Variants in LUZP2 observed in about 807,000 individuals in gnomAD.
The protein encoded by LUZP2 is leucine zipper protein 2.
Under a neutral mutation model 51.6 loss-of-function variants are expected in LUZP2, and 52 were observed. That is an observed-to-expected ratio of 1.01 (90% CI 0.81 to 1.27). LUZP2 has a LOEUF of 1.27. Among genes scored for constraint, LUZP2 ranks in the 50% most tolerant of loss-of-function variants. LUZP2 has a pLI of 0.00. For synonymous variants in LUZP2, 154 were observed against 137.3 expected (o/e 1.12, Z -0.85); for missense variants, 436 against 395.4 (o/e 1.10, Z -0.87).
chr11:24,898,353 G>C (rs570614510), intron 5 of LUZP2, among the ~76,000 whole-genome samples: 15 of 152,270 alleles, frequency 9.9e-5, no homozygotes, highest in Non-Finnish European at 2.1e-4. Context: ...GGCCGGGCGC[G>C]GTGGCTCATG....
intron 1 of LUZP2, among the ~76,000 whole-genome samples, chr11:24,520,205 G>A (rs966475944): frequency 6.6e-6 from 1 of 151,884 alleles, no homozygotes; most frequent in Non-Finnish European, 1.5e-5. Flanking sequence ...AGATGCAATG[G>A]AATTATTACC....
chr11:24,926,325 GTGTA>G lies in LUZP2; in HGVS notation c.522+11789_522+11792del, dbSNP rs1474549678. Among the ~76,000 whole-genome samples the G allele has an allele frequency of 2.3e-3, 89 of 39,342 alleles. 2 individuals are homozygous for G. Among genetic ancestry groups the G allele is most frequent in the African/African-American group, 6.1e-3 (51 of 8,396 alleles). 25.8% of individuals were successfully genotyped at this position (39,342 alleles called of 152,430 possible). On this transcript the variant is annotated intron_variant, in intron 7 of 11. Coordinates refer to ENST00000336930, the MANE Select transcript of LUZP2 (RefSeq NM_001009909.4). Reference sequence around the variant, plus strand: ...TATACGTGTGTATATATATACGTGTGTGTATATATATATACGTGTGTATATATAT... The same window carrying G: ...TATACGTGTGTATATATATACGTGTGTATATATATACGTGTGTATATATAT...
At chr11:25,019,225 T>G (rs1857256650) in intron 9 of LUZP2, among the ~76,000 whole-genome samples, 1 of 152,224 alleles carries the variant, frequency 6.6e-6, no homozygotes, top group Non-Finnish European at 1.5e-5. Context: ...TACATGACAG[T>G]AAACAGAATC....
chr11:24,804,010 A>C (rs992352067), intron 5 of LUZP2, among the ~76,000 whole-genome samples: 2 of 151,736 alleles, frequency 1.3e-5, no homozygotes, highest in South Asian at 2.1e-4. Flanking sequence ...AAAAAAAAAA[A>C]AAAAACTAGG....
chr11:24,969,330 T>C (rs923436424), intron 7 of LUZP2, among the ~76,000 whole-genome samples: 1 of 152,152 alleles, frequency 6.6e-6, no homozygotes, highest in Non-Finnish European at 1.5e-5. Flanking sequence ...TATCAAGAAA[T>C]ATAAATATCT....
chr11:24,978,768 C>A (rs1441313616), intron 8 of LUZP2, among the ~76,000 whole-genome samples: 1 of 151,714 alleles, frequency 6.6e-6, no homozygotes, highest in East Asian at 1.9e-4. Flanking sequence ...ACCTGTGGGT[C>A]ATAGGGCACG....
intron 1 of LUZP2, among the ~76,000 whole-genome samples, chr11:24,542,589 T>C (rs1199963396): frequency 2.0e-5 from 3 of 151,992 alleles, no homozygotes; most frequent in Non-Finnish European, 2.9e-5. Context: ...GTGGGGTAGA[T>C]CTTTAATTTT....
chr11:24,611,492 TCAGA>T lies in LUZP2; in HGVS notation c.62+114191_62+114194del, dbSNP rs1854117782. On this transcript the variant is annotated intron_variant, in intron 1 of 11. Coordinates refer to ENST00000336930, the MANE Select transcript of LUZP2 (RefSeq NM_001009909.4). This position sits in a 1 kb window ranked among gnomAD's most constrained non-coding sequence, Gnocchi z 4.6. ...TACACTCTAATAGATATAGGTGATCTCAGACAGGGCTTGTTAGATTGTGTGAAAA... is the reference window on the plus strand; with the variant it reads ...TACACTCTAATAGATATAGGTGATCTCAGGGCTTGTTAGATTGTGTGAAAA... Among the ~76,000 whole-genome samples the T allele has an allele frequency of 6.6e-6, 1 of 152,182 alleles. No individual in the cohort carries two copies. The highest frequency in any genetic ancestry group is 2.4e-5 in the African/African-American group (1 of 41,436).
chr11:24,644,436 G>T (rs1435515082), intron 1 of LUZP2, among the ~76,000 whole-genome samples: 1 of 151,248 alleles, frequency 6.6e-6, no homozygotes, highest in African/African-American at 2.4e-5. Flanking sequence ...CTTTCCTCCT[G>T]TTCGTGCTGC....
At chr11:24,500,150 T>A (rs143729857) in intron 1 of LUZP2, among the ~76,000 whole-genome samples, 29 of 152,296 alleles carry the variant, frequency 1.9e-4, no homozygotes, top group African/African-American at 7.0e-4. Flanking sequence ...TCAGAGTTAA[T>A]GTATTTGTCC....
chr11:24,720,769 G>A (rs1858236978), intron 1 of LUZP2, among the ~76,000 whole-genome samples: 1 of 152,142 alleles, frequency 6.6e-6, no homozygotes, highest in African/African-American at 2.4e-5. Flanking sequence ...CGCGATCTCG[G>A]CTTACCGCAA....
chr11:24,923,084 G>A (rs543155162), intron 7 of LUZP2, among the ~76,000 whole-genome samples: 1 of 151,702 alleles, frequency 6.6e-6, no homozygotes, highest in African/African-American at 2.4e-5. Context: ...TCCTGACCTC[G>A]TGATCCGCCT....
chr11:25,044,124 A>ATATATAGAGAGT (rs369918542), intron 9 of LUZP2, among the ~76,000 whole-genome samples: 5 of 114,342 alleles, frequency 4.4e-5, no homozygotes, highest in East Asian at 6.1e-4. Flanking sequence ...TATATCAGAT[A>ATATATAGAGAGT]CATATGTAGT....
At chr11:25,075,180 G>C (rs1343067458) in intron 10 of LUZP2, among the ~76,000 whole-genome samples, 1 of 151,990 alleles carries the variant, frequency 6.6e-6, no homozygotes, top group African/African-American at 2.4e-5. Flanking sequence ...TTTTCCTTAG[G>C]CGGTGTAGAA....
At chr11:25,030,265 T>C (rs1328929294) in intron 9 of LUZP2, among the ~76,000 whole-genome samples, 1 of 152,204 alleles carries the variant, frequency 6.6e-6, no homozygotes. Context: ...TCTTTGTTAC[T>C]GGTAGTTGTA....
intron 1 of LUZP2, among the ~76,000 whole-genome samples, chr11:24,688,842 A>G (rs1330727462): frequency 1.3e-5 from 2 of 152,120 alleles, no homozygotes; most frequent in East Asian, 1.9e-4. Flanking sequence ...GTAGCCATTT[A>G]TACAACCTGA....
chr11:24,736,187 T>C (rs1340579999), intron 3 of LUZP2, among the ~76,000 whole-genome samples: 1 of 151,396 alleles, frequency 6.6e-6, no homozygotes, highest in African/African-American at 2.4e-5. Flanking sequence ...TATAGATAGA[T>C]ACCTACTCCC....
intron 1 of LUZP2, among the ~76,000 whole-genome samples, chr11:24,675,851 C>T (rs1253289002): frequency 6.6e-6 from 1 of 151,198 alleles, no homozygotes; most frequent in African/African-American, 2.4e-5. Flanking sequence ...CAGAGTCTCG[C>T]TCTGTTGCCC....
intron 1 of LUZP2, among the ~76,000 whole-genome samples, chr11:24,664,521 C>T (rs1054512543): frequency 6.6e-6 from 1 of 152,066 alleles, no homozygotes; most frequent in African/African-American, 2.4e-5. Context: ...CAGAGACCTT[C>T]ATGGCAGCAC....
Sources: allele counts gnomAD v4.1 joint callset (sites outside exome capture counted in the v4.1 genomes callset), GRCh38; gene constraint gnomAD v4.1.1; non-coding constraint Gnocchi (gnomAD v3.1); transcripts MANE v1.5; gene names NCBI Gene and HGNC (gene_info 2026-07-23, HGNC 2026-07-21).